Variants in FRMD4A observed in about 807,000 individuals in gnomAD.
FRMD4A encodes FERM domain containing 4A, also known as FERM domain-containing protein 4A.
In FRMD4A, 29 loss-of-function variants were observed where a neutral mutation model predicts 129.1. The observed-to-expected ratio is 0.22, with a 90% CI of 0.17 to 0.31. The LOEUF is 0.31. Ranked by LOEUF, FRMD4A falls within the 10% of genes least tolerant of loss-of-function variation. The pLI is 1.00. For synonymous variants in FRMD4A, 634 were observed against 571.6 expected (o/e 1.11, Z -1.56); for missense variants, 1,272 against 1,375.8 (o/e 0.92, Z 1.19).
chr10:13,780,509 T>C (rs541623013), intron 6 of FRMD4A, among the ~76,000 whole-genome samples: 1 of 152,228 alleles, frequency 6.6e-6, no homozygotes, highest in African/African-American at 2.4e-5. Context: ...TCGCTCTCAA[T>C]TAGGAATCAT....
chr10:14,263,099 G>A (rs544537010), intron 2 of FRMD4A, among the ~76,000 whole-genome samples: 14 of 152,178 alleles, frequency 9.2e-5, no homozygotes, highest in South Asian at 8.3e-4. Context: ...GAGAGGACCC[G>A]TGTGCGATAT....
chr10:13,840,038 T>C (rs2093938202), intron 3 of FRMD4A, among the ~76,000 whole-genome samples: 1 of 152,200 alleles, frequency 6.6e-6, no homozygotes, highest in South Asian at 2.1e-4. Flanking sequence ...TTTGCACACA[T>C]TGCTGCCTTA....
chr10:13,980,547 T>C (rs1429050342), intron 2 of FRMD4A, among the ~76,000 whole-genome samples: 7 of 151,922 alleles, frequency 4.6e-5, no homozygotes, highest in Non-Finnish European at 1.5e-5. Flanking sequence ...CTGGGCAACA[T>C]AGAAAGACCC....
chr10:14,232,975 T>TCTACTCTACA (rs1843686119), intron 2 of FRMD4A, among the ~76,000 whole-genome samples: 1 of 152,194 alleles, frequency 6.6e-6, no homozygotes, highest in African/African-American at 2.4e-5. Context: ...CAGATAGAGT[T>TCTACTCTACA]GTAGAGTAGG....
chr10:13,939,071 CA>C lies in FRMD4A; in HGVS notation c.46-80160del, dbSNP rs1588435498. ...ATCTGGTCTGAAAAGTCAATAGTAC[CA>C]AGATTGAGAAACCCGAGGGTTAAGA... is the stretch of plus-strand genomic sequence containing the variant. On this transcript the variant is annotated intron_variant, in intron 2 of 24. Coordinates refer to ENST00000357447, the MANE Select transcript of FRMD4A (RefSeq NM_018027.5). Among the ~76,000 whole-genome samples the C allele has an allele frequency of 4.6e-5, 7 of 152,102 alleles. No homozygotes were observed. The South Asian group carries it at 1.5e-3, about 32-fold the overall frequency.
chr10:14,327,295 C>G (rs527923463), intron 2 of FRMD4A, among the ~76,000 whole-genome samples: 1 of 152,336 alleles, frequency 6.6e-6, no homozygotes, highest in African/African-American at 2.4e-5. Context: ...GGAACACACT[C>G]CACCATTTTC....
chr10:14,245,225 T>C (rs1844189676), intron 2 of FRMD4A, among the ~76,000 whole-genome samples: 3 of 152,138 alleles, frequency 2.0e-5, no homozygotes, highest in Admixed American at 2.0e-4. Flanking sequence ...GTGGAGGACA[T>C]GGGTCACAGG....
chr10:14,086,597 C>T (rs1413496028), intron 2 of FRMD4A, among the ~76,000 whole-genome samples: 1 of 152,170 alleles, frequency 6.6e-6, no homozygotes, highest in African/African-American at 2.4e-5. Flanking sequence ...CTCTTTCCAA[C>T]AATGACTATA....
At chr10:14,245,977 G>A (rs1589223503) in intron 2 of FRMD4A, among the ~76,000 whole-genome samples, 1 of 152,178 alleles carries the variant, frequency 6.6e-6, no homozygotes, top group Non-Finnish European at 1.5e-5. Flanking sequence ...CAGCAGCACA[G>A]CAGCCACACA....
chr10:13,652,392 C>T (rs1268721461), intron 23 of FRMD4A: 2 of 198,026 alleles, frequency 1.0e-5, no homozygotes, highest in Non-Finnish European at 2.1e-5. Flanking sequence ...TACAATCAAT[C>T]ATATATTTGG....
At chr10:14,318,005 G>A (rs1305368584) in intron 2 of FRMD4A, among the ~76,000 whole-genome samples, 2 of 152,154 alleles carry the variant, frequency 1.3e-5, no homozygotes, top group Non-Finnish European at 2.9e-5. Flanking sequence ...CATGGGATGT[G>A]TATTAAAGAG....
chr10:13,803,431 A>C (rs1305485631), intron 4 of FRMD4A, among the ~76,000 whole-genome samples: 3 of 152,178 alleles, frequency 2.0e-5, no homozygotes, highest in Non-Finnish European at 2.9e-5. Flanking sequence ...CCCTGGGCTC[A>C]AGTGATCTTC....
chr10:13,884,174 A>ACACT lies in FRMD4A; in HGVS notation c.46-25263_46-25262insAGTG, dbSNP rs769193704. 1.7e-4 allele frequency among the ~76,000 whole-genome samples: 18 copies of ACACT among 105,286 alleles called. 1 individual carries two copies. The highest frequency in any genetic ancestry group is 5.3e-4 in the African/African-American group (15 of 28,116). The allele number at this position is 105,286 out of a possible 152,430, so 69.1% of individuals were successfully genotyped here. A position where few individuals can be genotyped will look rare whatever the true frequency, so the allele number is the denominator to read the frequency against. On this transcript the variant is annotated intron_variant, in intron 2 of 24. Coordinates refer to ENST00000357447, the MANE Select transcript of FRMD4A (RefSeq NM_018027.5). The stretch of plus-strand genomic sequence containing the variant: ...CACACTCTCACACACACACTCACAC[A>ACACT]CTCACACACACACACACACACTCAC...
chr10:14,274,808 C>T (rs1845283468), intron 2 of FRMD4A, among the ~76,000 whole-genome samples: 1 of 152,176 alleles, frequency 6.6e-6, no homozygotes, highest in South Asian at 2.1e-4. Context: ...CCGGCAAGTC[C>T]CTGACTTAGC....
chr10:13,982,952 A>G (rs1159955138), intron 2 of FRMD4A, among the ~76,000 whole-genome samples: 1 of 152,010 alleles, frequency 6.6e-6, no homozygotes, highest in Admixed American at 6.6e-5. Flanking sequence ...TGTCCTGTCA[A>G]TTTCTTTCTT....
chr10:13,909,641 T>C (rs2094920762), intron 2 of FRMD4A, among the ~76,000 whole-genome samples: 1 of 152,244 alleles, frequency 6.6e-6, no homozygotes, highest in Non-Finnish European at 1.5e-5. Context: ...CCATGGTGTC[T>C]CTTGTGTAAT....
At chr10:14,168,153 C>T (rs1479114409) in intron 2 of FRMD4A, among the ~76,000 whole-genome samples, 2 of 152,118 alleles carry the variant, frequency 1.3e-5, no homozygotes, top group Non-Finnish European at 2.9e-5. Context: ...ACCTAGAAGT[C>T]CAGAGGAGAC....
chr10:14,100,266 G>A (rs1165908475), intron 2 of FRMD4A, among the ~76,000 whole-genome samples: 1 of 152,178 alleles, frequency 6.6e-6, no homozygotes, highest in African/African-American at 2.4e-5. Context: ...ATCTGAAGTA[G>A]CATCCATGCT....
At chr10:13,907,566 G>A (rs913921688) in intron 2 of FRMD4A, among the ~76,000 whole-genome samples, 16 of 152,172 alleles carry the variant, frequency 1.1e-4, no homozygotes, top group Admixed American at 8.5e-4. Flanking sequence ...TGTCTTATTT[G>A]TTGAGGGTTC....
Sources: allele counts gnomAD v4.1 joint callset (sites outside exome capture counted in the v4.1 genomes callset), GRCh38; gene constraint gnomAD v4.1.1; transcripts MANE v1.5; gene names NCBI Gene and HGNC (gene_info 2026-07-23, HGNC 2026-07-21).